Variants in DGLUCY observed in about 807,000 individuals in gnomAD.
The protein encoded by DGLUCY is D-glutamate cyclase, mitochondrial.
In DGLUCY, 58 loss-of-function variants were observed where a neutral mutation model predicts 58.5. That is an observed-to-expected ratio of 0.99 (90% confidence interval 0.80 to 1.23). The LOEUF is 1.23. DGLUCY is among the 50% of genes most tolerant of loss of function. The pLI, the probability that DGLUCY is intolerant of heterozygous loss-of-function variation, is 0.00. For synonymous variants in DGLUCY, 325 were observed against 314.1 expected, an observed-to-expected ratio of 1.03 and a Z score of -0.37; for missense variants, 779 against 784.7, an observed-to-expected ratio of 0.99 and a Z score of 0.09.
chr14:91,153,171 A>G (rs937579636), intron 1 of DGLUCY, among the ~76,000 whole-genome samples: 1 of 151,978 alleles, frequency 6.6e-6, no homozygotes, highest in Non-Finnish European at 1.5e-5. Flanking sequence ...CCCTCCTGAC[A>G]GTGAGCTTTA....
In DGLUCY at chr14:91,170,012, T is replaced by C. The variant is rs2048487652; in HGVS notation, c.267T>C (p.His89=). The change falls in exon 5 of 14, where the codon CAT becomes CAC. Residue 89 remains histidine, a synonymous_variant. Coordinates refer to ENST00000256324, the MANE Select transcript of DGLUCY (RefSeq NM_001102368.3). ...CCCCTTATGTCCCCAGGATGGGCCATCCCCAGTTCTGGAAATACGAGTTCG... is the reference window on the plus strand; with the variant it reads ...CCCCTTATGTCCCCAGGATGGGCCACCCCCAGTTCTGGAAATACGAGTTCG... ...QGAISETRMG[H]PQFWKYEFGA... 1 of 1,612,012 alleles carries C rather than the reference T, an allele frequency of 6.2e-7. No homozygotes were observed. Among genetic ancestry groups the C allele is most frequent in the South Asian group, 1.1e-5 (1 of 90,998 alleles).
At position 91,189,113 on chromosome 14, in the gene DGLUCY, G is replaced by A. The variant is rs766574192; in HGVS notation, c.1138G>A (p.Val380Ile). The A allele has an allele frequency of 8.1e-6, 13 of 1,614,086 alleles. No individual in the cohort carries two copies. The highest frequency in any genetic ancestry group is 6.7e-5 in the East Asian group (3 of 44,890). The change falls in exon 9 of 14, where the codon GTT becomes ATT. Residue 380 changes from valine (V) to isoleucine (I), a missense_variant. Val to Ile is a conservative substitution (Grantham distance 29, BLOSUM62 3). Transcript: ENST00000256324. ...CTTGGAGAAGGAGGTCGCCATAATC[G>A]TTGACCAGAGAGCCTGGAACTTGCA... ...QALEKEVAIIVDQRAWNLHQK... is the reference protein window; with the variant it reads ...QALEKEVAIIIDQRAWNLHQK...
intron 1 of DGLUCY, among the ~76,000 whole-genome samples, chr14:91,069,645 C>T (rs1566928811): frequency 6.6e-6 from 1 of 150,946 alleles, no homozygotes; most frequent in Non-Finnish European, 1.5e-5. Flanking sequence ...ACTTTTCCTT[C>T]TTTTTTTTTA....
chr14:91,086,863 C>T (rs544406814), intron 1 of DGLUCY, among the ~76,000 whole-genome samples: 4 of 152,306 alleles, frequency 2.6e-5, no homozygotes, highest in African/African-American at 7.2e-5. Context: ...AAGCCATTCT[C>T]CTGCCTCATC....
intron 10 of DGLUCY, among the ~76,000 whole-genome samples, chr14:91,198,261 C>A (rs1256454592): frequency 6.6e-6 from 1 of 151,196 alleles, no homozygotes; most frequent in Non-Finnish European, 1.5e-5. Context: ...CCAGGCTGGT[C>A]TCGAACTCCT....
At chr14:91,171,755 G>A (rs999207927) in intron 5 of DGLUCY, among the ~76,000 whole-genome samples, 2 of 152,210 alleles carry the variant, frequency 1.3e-5, no homozygotes, top group Non-Finnish European at 2.9e-5. Flanking sequence ...GGTGGGGTGG[G>A]GGAGCGAAAC....
At chr14:91,167,126 C>G (rs1406232377) in intron 3 of DGLUCY, 99 bp from the exon 4 acceptor site, 7 of 1,419,498 alleles carry the variant, frequency 4.9e-6, no homozygotes, top group Admixed American at 4.8e-5. Flanking sequence ...GCTACAAGAG[C>G]GAAACTCCGC....
intron 10 of DGLUCY, among the ~76,000 whole-genome samples, chr14:91,199,352 C>T (rs1039704606): frequency 1.3e-5 from 2 of 151,848 alleles, no homozygotes; most frequent in African/African-American, 2.4e-5. Context: ...CTCTGCCTCC[C>T]GGGTTCAAGT....
intron 1 of DGLUCY, among the ~76,000 whole-genome samples, chr14:91,079,127 C>T (rs1252330604): frequency 1.3e-5 from 2 of 151,856 alleles, no homozygotes; most frequent in African/African-American, 4.8e-5. Flanking sequence ...TGGTCTCAAA[C>T]TCCTGACCTC....
At chr14:91,064,383 C>T (rs778166593) in intron 1 of DGLUCY, among the ~76,000 whole-genome samples, 6 of 151,946 alleles carry the variant, frequency 3.9e-5, no homozygotes, top group Non-Finnish European at 7.4e-5. Flanking sequence ...GTAATCTCAG[C>T]ACTTTGGGAC....
intron 1 of DGLUCY, among the ~76,000 whole-genome samples, chr14:91,133,031 C>T (rs964860079): frequency 2.6e-5 from 4 of 151,964 alleles, no homozygotes; most frequent in African/African-American, 7.2e-5. Context: ...CGGTAGCTCA[C>T]GCCTGTAATC....
At chr14:91,118,915 C>T (rs765006025) in intron 1 of DGLUCY, among the ~76,000 whole-genome samples, 7 of 151,930 alleles carry the variant, frequency 4.6e-5, no homozygotes, top group Non-Finnish European at 7.4e-5. Flanking sequence ...CTTGGGAGTT[C>T]GAAACCAGCC....
At chr14:91,199,324 A>T (rs1378269276) in intron 10 of DGLUCY, among the ~76,000 whole-genome samples, 10 of 151,020 alleles carry the variant, frequency 6.6e-5, no homozygotes, top group Non-Finnish European at 7.4e-5. Flanking sequence ...CAGTGGTGCG[A>T]TCTCAGCTCA....
chr14:91,064,460 T>A (rs563706449), intron 1 of DGLUCY, among the ~76,000 whole-genome samples: 1 of 151,720 alleles, frequency 6.6e-6, no homozygotes, highest in East Asian at 1.9e-4. Context: ...CTATCTCTAC[T>A]AAAAATACAA....
At chr14:91,197,415 G>GT (rs1204031769) in intron 10 of DGLUCY, among the ~76,000 whole-genome samples, 2 of 152,162 alleles carry the variant, frequency 1.3e-5, no homozygotes, top group Non-Finnish European at 2.9e-5. Flanking sequence ...TCTCTGAACT[G>GT]TTTTTTAAGC....
At chr14:91,140,705 C>T (rs939362540) in intron 1 of DGLUCY, among the ~76,000 whole-genome samples, 1 of 152,088 alleles carries the variant, frequency 6.6e-6, no homozygotes, top group Non-Finnish European at 1.5e-5. Context: ...TTATGAAAGT[C>T]AAGAGCCTGA....
rs1239337262 is a variant in DGLUCY, at chr14:91,189,148, T to G, written c.1173T>G (p.Ile391Met). 6 of 1,614,120 alleles carry G rather than the reference T, an allele frequency of 3.7e-6. No homozygotes were observed. The highest frequency in any genetic ancestry group is 8.5e-7 in the Non-Finnish European group (1 of 1,180,032). Residue 391 changes from isoleucine to methionine, a missense_variant, in exon 9 of 14, where the codon ATT (isoleucine) becomes ATG (methionine). Coordinates refer to ENST00000256324, the MANE Select transcript of DGLUCY (RefSeq NM_001102368.3). ...DQRAWNLHQK[I>M]VEDAVEQGVL... ...GAGCCTGGAACTTGCACCAGAAGAT[T>G]GTTGAAGATGCTGTTGAGCAAGGTA...
chr14:91,126,794 G>A (rs1045933650), intron 1 of DGLUCY, among the ~76,000 whole-genome samples: 5 of 152,140 alleles, frequency 3.3e-5, no homozygotes, highest in African/African-American at 1.2e-4. Context: ...ACAAAGACCC[G>A]TTTTCCAAAT....
intron 5 of DGLUCY, 146 bp from the exon 6 acceptor site, chr14:91,173,143 C>A: frequency 1.1e-6 from 1 of 896,370 alleles, no homozygotes; most frequent in Non-Finnish European, 1.7e-6. Context: ...CTCCCTCTCT[C>A]TATGTCACAT....
Sources: gnomAD v4.1 joint callset for allele counts (sites outside exome capture counted in the v4.1 genomes callset) on GRCh38, gnomAD v4.1.1 for gene constraint, MANE v1.5 for transcripts, NCBI Gene and HGNC (gene_info 2026-07-23, HGNC 2026-07-21) for gene names.